CHCHD3: variants seen among roughly 807,000 people sequenced by gnomAD.
The protein encoded by CHCHD3 is MICOS complex subunit MIC19.
A neutral mutation model predicts 38.2 loss-of-function variants in CHCHD3; 20 were observed. The observed-to-expected ratio is 0.52, with a 90% confidence interval of 0.37 to 0.76. CHCHD3 has a LOEUF of 0.76. CHCHD3 is among the 30% of genes least tolerant of loss of function. CHCHD3 has a pLI of 0.00. For missense variants in CHCHD3, 245 were observed against 279.2 expected (o/e 0.88, Z 0.87); for synonymous variants, 82 against 100.0 (o/e 0.82, Z 1.07).
At chr7:132,852,018 A>G (rs1808231896) in intron 5 of CHCHD3, among the ~76,000 whole-genome samples, 1 of 152,220 alleles carries the variant, frequency 6.6e-6, no homozygotes, top group Non-Finnish European at 1.5e-5. Flanking sequence ...GCCAAGACGA[A>G]AGCCATAAAT....
intron 3 of CHCHD3, among the ~76,000 whole-genome samples, chr7:132,994,267 AG>A (rs1438811316): frequency 6.6e-6 from 1 of 152,230 alleles, no homozygotes; most frequent in African/African-American, 2.4e-5. Context: ...ATAGAGAGAC[AG>A]AACAACATGG....
At chr7:132,810,719 G>C (rs1807046636) in intron 6 of CHCHD3, among the ~76,000 whole-genome samples, 1 of 152,122 alleles carries the variant, frequency 6.6e-6, no homozygotes, top group African/African-American at 2.4e-5. Flanking sequence ...GTCTGGATTG[G>C]ATTCACCATG....
chr7:132,913,417 G>C (rs1365899962), intron 4 of CHCHD3, among the ~76,000 whole-genome samples: 1 of 152,130 alleles, frequency 6.6e-6, no homozygotes, highest in Non-Finnish European at 1.5e-5. Flanking sequence ...TAAATTTAGA[G>C]ATGAATCCAA....
chr7:132,815,982 T>C (rs778166438), intron 6 of CHCHD3, among the ~76,000 whole-genome samples: 10 of 152,338 alleles, frequency 6.6e-5, no homozygotes, highest in African/African-American at 1.7e-4. Context: ...CCACGATCAA[T>C]TGGAGTTGGT....
intron 3 of CHCHD3, among the ~76,000 whole-genome samples, chr7:132,979,294 A>G (rs989160055): frequency 6.6e-6 from 1 of 152,146 alleles, no homozygotes; most frequent in African/African-American, 2.4e-5. Flanking sequence ...ATATACTTCT[A>G]CTGTAATCCT....
chr7:133,081,054 G>C (rs1815157623), intron 1 of CHCHD3, among the ~76,000 whole-genome samples: 1 of 152,094 alleles, frequency 6.6e-6, no homozygotes, highest in Non-Finnish European at 1.5e-5. Context: ...ACACCCTAGA[G>C]AAAAACCAGG....
intron 4 of CHCHD3, among the ~76,000 whole-genome samples, chr7:132,930,448 C>T (rs1363681877): frequency 1.3e-5 from 2 of 152,262 alleles, no homozygotes; most frequent in South Asian, 2.1e-4. Flanking sequence ...GGATTACAGG[C>T]GTGAGCCACT....
At chr7:133,025,527 CAG>C (rs1343181639) in intron 2 of CHCHD3, among the ~76,000 whole-genome samples, 3 of 152,142 alleles carry the variant, frequency 2.0e-5, no homozygotes, top group African/African-American at 7.2e-5. Context: ...TTTGTTGAGA[CAG>C]AGTCTCGCTC....
At chr7:132,995,929 G>A (rs1026752862) in intron 3 of CHCHD3, among the ~76,000 whole-genome samples, 4 of 152,068 alleles carry the variant, frequency 2.6e-5, no homozygotes, top group African/African-American at 9.7e-5. Flanking sequence ...TTTTATGTAT[G>A]TTATTTCATT....
chr7:132,881,008 C>T (rs1435902016), intron 5 of CHCHD3, among the ~76,000 whole-genome samples: 2 of 152,124 alleles, frequency 1.3e-5, no homozygotes, highest in Non-Finnish European at 2.9e-5. Context: ...AGGCAAGACA[C>T]CTAAATGTGA....
intron 2 of CHCHD3, among the ~76,000 whole-genome samples, chr7:133,036,439 A>G (rs1813677359): frequency 6.6e-6 from 1 of 152,212 alleles, no homozygotes; most frequent in South Asian, 2.1e-4. Context: ...ATGTTACGAC[A>G]TGTTACACAT....
intron 4 of CHCHD3, among the ~76,000 whole-genome samples, chr7:132,922,542 C>T (rs114445568): frequency 0.031 from 4,731 of 151,032 alleles, 263 homozygotes; most frequent in African/African-American, 0.11. Flanking sequence ...TATATCCCTG[C>T]TTCTCTTCCT....
chr7:132,808,606 A>G (rs1199800094), intron 6 of CHCHD3, among the ~76,000 whole-genome samples: 2 of 152,198 alleles, frequency 1.3e-5, no homozygotes, highest in Non-Finnish European at 2.9e-5. Context: ...CTAAGTATCA[A>G]CTGGTTATGG....
At chr7:133,020,941 G>T (rs185306636) in intron 3 of CHCHD3, among the ~76,000 whole-genome samples, 2 of 149,302 alleles carry the variant, frequency 1.3e-5, no homozygotes, top group Admixed American at 1.3e-4. Flanking sequence ...TTCTTTTTTG[G>T]TGGGGGGAGA....
intron 3 of CHCHD3, among the ~76,000 whole-genome samples, chr7:132,982,902 TCA>T (rs1811956249): frequency 6.6e-6 from 1 of 152,112 alleles, no homozygotes; most frequent in Non-Finnish European, 1.5e-5. Context: ...TTGATAAAAC[TCA>T]CAGATGAATC....
intron 5 of CHCHD3, among the ~76,000 whole-genome samples, chr7:132,858,272 A>G (rs1283650687): frequency 6.6e-6 from 1 of 152,104 alleles, no homozygotes; most frequent in Admixed American, 6.5e-5. Flanking sequence ...CACATTGACC[A>G]GGCTGGTCTT....
chr7:132,931,988 A>C (rs915546198), intron 4 of CHCHD3, among the ~76,000 whole-genome samples: 4 of 152,214 alleles, frequency 2.6e-5, no homozygotes, highest in African/African-American at 9.7e-5. Flanking sequence ...TTGAGTTGCA[A>C]ACCCAAGGGA....
At chr7:132,955,578 C>T (rs1811144539) in intron 4 of CHCHD3, among the ~76,000 whole-genome samples, 1 of 149,340 alleles carries the variant, frequency 6.7e-6, no homozygotes, top group Non-Finnish European at 1.5e-5. Context: ...TTTAAATCTT[C>T]AGACTTTGAA....
At chr7:132,913,573 T>C (rs1810019693) in intron 4 of CHCHD3, among the ~76,000 whole-genome samples, 3 of 152,184 alleles carry the variant, frequency 2.0e-5, no homozygotes, top group Admixed American at 2.0e-4. Context: ...CTTCTTTACA[T>C]TGGCTATGCC....
Sources: gnomAD v4.1 joint callset for allele counts (sites outside exome capture counted in the v4.1 genomes callset) on GRCh38, gnomAD v4.1.1 for gene constraint, MANE v1.5 for transcripts, NCBI Gene and HGNC (gene_info 2026-07-23, HGNC 2026-07-21) for gene names.